ANK3: variants seen among roughly 807,000 people sequenced by gnomAD.
The protein encoded by ANK3 is ankyrin-3.
In ANK3, 57 loss-of-function variants were observed where a neutral mutation model predicts 370.9. The ratio of observed to expected loss-of-function variants is 0.15; its 90% CI spans 0.12 to 0.19. The LOEUF is 0.19. ANK3 is among the 10% of genes least tolerant of loss of function. The pLI is 1.00. For missense variants in ANK3, 4,439 were observed against 5,302.1 expected, an observed-to-expected ratio of 0.84 and a Z score of 5.06; for synonymous variants, 1,929 against 1,946.3, an observed-to-expected ratio of 0.99 and a Z score of 0.23.
intron 16 of ANK3, among the ~76,000 whole-genome samples, chr10:60,191,933 G>A (rs914670123): frequency 1.9e-4 from 29 of 150,774 alleles, no homozygotes; most frequent in African/African-American, 6.5e-4. Flanking sequence ...TTTTGAGACC[G>A]AGTCTTGCTC....
chr10:60,635,453 C>A (rs1050282428), intron 1 of ANK3, among the ~76,000 whole-genome samples: 1 of 152,028 alleles, frequency 6.6e-6, no homozygotes, highest in Non-Finnish European at 1.5e-5. Context: ...GTACAACAAC[C>A]AAGGGCCACT....
At chr10:60,495,083 T>G (rs2075619699) in intron 2 of ANK3, among the ~76,000 whole-genome samples, 1 of 152,154 alleles carries the variant, frequency 6.6e-6, no homozygotes, top group Admixed American at 6.5e-5. Flanking sequence ...AAAGAGAAAC[T>G]CTACCTCCTT....
At chr10:60,706,250 T>C (rs917646732) in intron 1 of ANK3, among the ~76,000 whole-genome samples, 4 of 152,190 alleles carry the variant, frequency 2.6e-5, no homozygotes, top group Non-Finnish European at 5.9e-5. Context: ...GCAAAGGGCA[T>C]CAGCCTAATG....
intron 1 of ANK3, among the ~76,000 whole-genome samples, chr10:60,621,511 A>G (rs1190024269): frequency 6.6e-6 from 1 of 152,220 alleles, no homozygotes; most frequent in Non-Finnish European, 1.5e-5. Flanking sequence ...ATTTGTCACT[A>G]TCACATCAAC....
intron 38 of ANK3, among the ~76,000 whole-genome samples, chr10:60,065,750 T>C (rs2081517042): frequency 6.6e-6 from 1 of 152,192 alleles, no homozygotes; most frequent in African/African-American, 2.4e-5. Context: ...TTAGCCTTAA[T>C]ACACTTAAAC....
chr10:60,512,444 G>A (rs749259615), intron 2 of ANK3, among the ~76,000 whole-genome samples: 1 of 151,986 alleles, frequency 6.6e-6, no homozygotes, highest in Non-Finnish European at 1.5e-5. Flanking sequence ...CCACCAATTG[G>A]GAAAGTATCA....
intron 27 of ANK3, 96 bp downstream of exon 27, chr10:60,108,734 A>G (rs2092437408): frequency 3.0e-6 from 3 of 992,002 alleles, no homozygotes; most frequent in South Asian, 1.5e-5. Flanking sequence ...AGGTACAACT[A>G]AGCAGTTTTA....
chr10:60,629,373 T>C (rs1230341479), intron 1 of ANK3, among the ~76,000 whole-genome samples: 1 of 152,222 alleles, frequency 6.6e-6, no homozygotes, highest in Non-Finnish European at 1.5e-5. Context: ...ACAAGCATCA[T>C]ATTTAAAATA....
chr10:60,588,160 T>TTTATTATTA (rs147944306), intron 2 of ANK3, among the ~76,000 whole-genome samples: 7,165 of 141,028 alleles, frequency 0.051, 266 homozygotes, highest in East Asian at 0.11. Context: ...TTTCTCAGTT[T>TTTATTATTA]TTATTATTAT....
intron 1 of ANK3, among the ~76,000 whole-genome samples, chr10:60,283,564 A>T (rs574836996): frequency 6.6e-6 from 1 of 152,252 alleles, no homozygotes; most frequent in African/African-American, 2.4e-5. Context: ...GGTGACCAAA[A>T]TCTGAGGAAT....
chr10:60,549,140 TACACACACACAC>T (rs3047236), intron 2 of ANK3, among the ~76,000 whole-genome samples: 26 of 145,640 alleles, frequency 1.8e-4, no homozygotes, highest in African/African-American at 6.1e-4. Flanking sequence ...GCATGTTTCA[TACACACACACAC>T]ACACACACAC....
At chr10:60,294,155 A>C (rs568739083) in intron 1 of ANK3, among the ~76,000 whole-genome samples, 3 of 151,454 alleles carry the variant, frequency 2.0e-5, no homozygotes, top group Non-Finnish European at 4.4e-5. Context: ...ACATTTTCCC[A>C]ACAGTTTTTT....
At chr10:60,176,263 G>A (rs992037719) in intron 18 of ANK3, among the ~76,000 whole-genome samples, 5 of 150,582 alleles carry the variant, frequency 3.3e-5, no homozygotes, top group African/African-American at 1.2e-4. Flanking sequence ...TACTCAGGAG[G>A]CTGAGGTGGC....
At chr10:60,484,932 G>A (rs7899350) in intron 2 of ANK3, among the ~76,000 whole-genome samples, 70,186 of 151,850 alleles carry the variant, frequency 0.46, 16,701 homozygotes, top group South Asian at 0.56. Context: ...GTATTTTGGC[G>A]TTTCTAAAAA....
intron 18 of ANK3, among the ~76,000 whole-genome samples, chr10:60,181,096 T>C (rs577011403): frequency 1.3e-5 from 2 of 152,228 alleles, no homozygotes; most frequent in Admixed American, 6.5e-5. Flanking sequence ...AGTGTTAATA[T>C]AGGGGGAAAT....
At chr10:60,502,138 T>A (rs1005494016) in intron 2 of ANK3, among the ~76,000 whole-genome samples, 30 of 152,204 alleles carry the variant, frequency 2.0e-4, no homozygotes, top group African/African-American at 6.5e-4. Flanking sequence ...TTAGCTCAGG[T>A]GACAAAGCTG....
chr10:60,088,021 A>T, intron 29 of ANK3, 126 bp downstream of exon 29: 1 of 745,406 alleles, frequency 1.3e-6, no homozygotes, highest in Non-Finnish European at 2.3e-6. Flanking sequence ...TGAAATAGGT[A>T]AATGATTCCC....
In ANK3 at chr10:60,070,864, C is replaced by T. The variant is rs1339303233; in HGVS notation, c.10017G>A (p.Val3339=). 6.2e-7 allele frequency: 1 copy of T among 1,614,078 alleles called. No individual in the cohort carries two copies. The highest frequency in any genetic ancestry group is 1.3e-5 in the African/African-American group (1 of 74,994). The change falls in exon 37 of 44, where the codon GTG becomes GTA. Residue 3339 remains valine (V), a synonymous_variant. Transcript: ENST00000280772. The surrounding 1 kb of genome is among the most constrained non-coding windows in gnomAD (Gnocchi z 5.7). The stretch of plus-strand genomic sequence containing the variant: ...TGGGTTTTTCTTTTTGTTCATCGTC[C>T]ACTTCCTTTAATTTGAAGGTATATT... ...VKKYTFKLKE[V]DDEQKEKPKA... is the part of the protein sequence containing the mutation.
At chr10:60,240,171 TATAC>T (rs1357687803) in intron 7 of ANK3, among the ~76,000 whole-genome samples, 1 of 141,598 alleles carries the variant, frequency 7.1e-6, no homozygotes, top group Non-Finnish European at 1.5e-5. Context: ...TACACATATA[TATAC>T]ATATATACAC....
Sources: gnomAD v4.1 joint callset for allele counts (sites outside exome capture counted in the v4.1 genomes callset) on GRCh38, gnomAD v4.1.1 for gene constraint, Gnocchi (gnomAD v3.1) non-coding constraint, MANE v1.5 for transcripts, NCBI Gene and HGNC (gene_info 2026-07-23, HGNC 2026-07-21) for gene names.